ARHGAP32: variants seen among roughly 807,000 people sequenced by gnomAD.
ARHGAP32 encodes Rho GTPase activating protein 32, also known as rho GTPase-activating protein 32.
Under a neutral mutation model 186.5 loss-of-function variants are expected in ARHGAP32, and 51 were observed. That is an observed-to-expected ratio of 0.27 (90% CI 0.22 to 0.35). The LOEUF is 0.35. ARHGAP32 is among the 10% of genes least tolerant of loss of function. ARHGAP32 has a pLI of 1.00. For synonymous variants in ARHGAP32, 950 were observed against 964.3 expected, an observed-to-expected ratio of 0.99 and a Z score of 0.27; for missense variants, 2,186 against 2,623.5, an observed-to-expected ratio of 0.83 and a Z score of 3.64.
intron 1 of ARHGAP32, among the ~76,000 whole-genome samples, chr11:129,218,577 A>G (rs1440645283): frequency 6.6e-6 from 1 of 152,158 alleles, no homozygotes; most frequent in Non-Finnish European, 1.5e-5. Context: ...TATAAATGGC[A>G]ATGTCAGAAC....
chr11:129,270,582 A>T (rs1945461411), intron 1 of ARHGAP32, among the ~76,000 whole-genome samples: 1 of 151,922 alleles, frequency 6.6e-6, no homozygotes, highest in Admixed American at 6.6e-5. Context: ...ATGATGTTTC[A>T]ATGTAGGCTC....
chr11:129,198,850 A>C (rs1171072035), intron 1 of ARHGAP32, among the ~76,000 whole-genome samples: 1 of 152,262 alleles, frequency 6.6e-6, no homozygotes, highest in African/African-American at 2.4e-5. Context: ...AGAAGAAGAA[A>C]GAAAAATGTG....
Position 129,129,714 on chromosome 11 carries a change from C to G in ARHGAP32, c.226-4820G>C, listed in dbSNP as rs904695992. 3.9e-5 allele frequency among the ~76,000 whole-genome samples: 6 copies of G among 152,216 alleles called. No individual in the cohort carries two copies. The East Asian group carries it at 9.6e-4, about 24-fold the overall frequency. ...TTTTACCCTTACTGTTTGAAGCACA[C>G]TGCTAAATGATCTTCCAGAGGGCCT... On this transcript the variant is annotated intron_variant, in intron 2 of 22. Transcript: ENST00000682385.
intron 11 of ARHGAP32, among the ~76,000 whole-genome samples, chr11:129,026,044 C>T (rs1318499187): frequency 1.3e-5 from 2 of 151,932 alleles, no homozygotes; most frequent in Admixed American, 1.3e-4. Flanking sequence ...TAATTCTCAT[C>T]TGAAACCCAA....
intron 6 of ARHGAP32, among the ~76,000 whole-genome samples, chr11:129,067,571 T>C (rs1317805155): frequency 6.6e-6 from 1 of 152,070 alleles, no homozygotes; most frequent in Non-Finnish European, 1.5e-5. Context: ...TTTGAACTCC[T>C]CCCCTGCACC....
chr11:129,264,095 A>C (rs746687276), intron 1 of ARHGAP32, among the ~76,000 whole-genome samples: 3 of 152,206 alleles, frequency 2.0e-5, no homozygotes, highest in Non-Finnish European at 2.9e-5. Flanking sequence ...TACAACATAG[A>C]TGAACCTTGA....
chr11:129,013,419 G>A lies in ARHGAP32; in HGVS notation c.1046-14951C>T, dbSNP rs1938186973. ...CCCAATCTGAGACACTGAAATAATG[G>A]ATATTCATAATGGTGACTAGTCATA... On this transcript the variant is annotated intron_variant, in intron 11 of 22. Coordinates refer to ENST00000682385, the MANE Select transcript of ARHGAP32 (RefSeq NM_001378024.1). Among the ~76,000 whole-genome samples the A allele has an allele frequency of 1.3e-5, 2 of 152,080 alleles. 1 individual carries two copies. The highest frequency in any genetic ancestry group is 4.2e-4 in the South Asian group (2 of 4,818).
upstream of ARHGAP32, among the ~76,000 whole-genome samples, chr11:129,195,122 C>T (rs1944376022): frequency 1.3e-5 from 2 of 151,964 alleles, no homozygotes; most frequent in African/African-American, 2.4e-5. Flanking sequence ...GTGTGTGCCA[C>T]GACACCTGCT....
intron 5 of ARHGAP32, among the ~76,000 whole-genome samples, chr11:129,117,396 G>T (rs963916559): frequency 2.6e-5 from 4 of 151,838 alleles, no homozygotes; most frequent in Admixed American, 2.6e-4. Flanking sequence ...TTGTAATTCT[G>T]ATTACTACTT....
At chr11:129,220,746 G>C (rs1026155689) in intron 1 of ARHGAP32, among the ~76,000 whole-genome samples, 3 of 152,152 alleles carry the variant, frequency 2.0e-5, no homozygotes, top group African/African-American at 7.2e-5. Context: ...AGAACTTGTA[G>C]GTGATTCTCT....
At chr11:129,004,519 C>A (rs1481471360) in intron 11 of ARHGAP32, among the ~76,000 whole-genome samples, 1 of 151,644 alleles carries the variant, frequency 6.6e-6, no homozygotes, top group South Asian at 2.1e-4. Flanking sequence ...TTAGCTCTAA[C>A]AATATTTGCT....
chr11:129,157,414 C>T (rs186754245), intron 2 of ARHGAP32, among the ~76,000 whole-genome samples: 6 of 151,906 alleles, frequency 3.9e-5, no homozygotes, highest in Non-Finnish European at 7.4e-5. Flanking sequence ...AAACACAGCA[C>T]AAGAACATCG....
intron 5 of ARHGAP32, among the ~76,000 whole-genome samples, chr11:129,113,723 A>G (rs1250480318): frequency 1.3e-5 from 2 of 152,094 alleles, no homozygotes; most frequent in Non-Finnish European, 2.9e-5. Flanking sequence ...TGTACCTGAG[A>G]TTTAAGTAGG....
intron 10 of ARHGAP32, among the ~76,000 whole-genome samples, chr11:129,043,763 A>C (rs1474849067): frequency 6.6e-6 from 1 of 151,982 alleles, no homozygotes; most frequent in Non-Finnish European, 1.5e-5. Context: ...TTTCTTTCAA[A>C]CTTAACTGAG....
chr11:129,201,713 G>C (rs185710311), intron 1 of ARHGAP32, among the ~76,000 whole-genome samples: 3 of 152,160 alleles, frequency 2.0e-5, no homozygotes, highest in Non-Finnish European at 2.9e-5. Context: ...AGGTGCAGTG[G>C]CTCACACCTG....
intron 2 of ARHGAP32, among the ~76,000 whole-genome samples, chr11:129,126,980 T>C (rs1942677385): frequency 6.6e-6 from 1 of 152,232 alleles, no homozygotes; most frequent in Non-Finnish European, 1.5e-5. Context: ...TCTGTATTGT[T>C]CATAAATTGA....
intron 1 of ARHGAP32, among the ~76,000 whole-genome samples, chr11:129,173,205 T>C (rs2135510257): frequency 6.6e-6 from 1 of 150,724 alleles, no homozygotes; most frequent in African/African-American, 2.4e-5. Flanking sequence ...AACTAGAAAA[T>C]CTAGAAGAAA....
intron 16 of ARHGAP32, 69 bp downstream of exon 16, chr11:128,981,760 G>A: frequency 7.8e-7 from 1 of 1,275,808 alleles, no homozygotes; most frequent in Non-Finnish European, 1.1e-6. Context: ...TTTCCTTAAA[G>A]AACACTGATG....
At chr11:129,085,423 A>G (rs1039009609) in intron 6 of ARHGAP32, among the ~76,000 whole-genome samples, 9 of 152,196 alleles carry the variant, frequency 5.9e-5, no homozygotes, top group African/African-American at 1.7e-4. Flanking sequence ...CCTAACAGCT[A>G]TATAAGGAAA....
Sources: allele counts gnomAD v4.1 joint callset (sites outside exome capture counted in the v4.1 genomes callset), GRCh38; gene constraint gnomAD v4.1.1; transcripts MANE v1.5; gene names NCBI Gene and HGNC (gene_info 2026-07-23, HGNC 2026-07-21).